SRBD1: variants seen among roughly 807,000 people sequenced by gnomAD.
The protein encoded by SRBD1 is S1 RNA-binding domain-containing protein 1.
A neutral mutation model predicts 115.3 loss-of-function variants in SRBD1; 88 were observed. The ratio of observed to expected loss-of-function variants is 0.76; its 90% CI spans 0.64 to 0.91. The LOEUF is 0.91. SRBD1 is among the 40% of genes least tolerant of loss of function. The probability of loss-of-function intolerance (pLI) is 0.00; values close to 1 mark genes in which losing one functional copy is unlikely to be tolerated. For synonymous variants in SRBD1, 509 were observed against 407.7 expected, an observed-to-expected ratio of 1.25 and a Z score of -2.99; for missense variants, 1,385 against 1,177.4, an observed-to-expected ratio of 1.18 and a Z score of -2.58.
At chr2:45,601,432 C>G (rs1158136828) in intron 3 of SRBD1, among the ~76,000 whole-genome samples, 2 of 152,164 alleles carry the variant, frequency 1.3e-5, no homozygotes, top group African/African-American at 4.8e-5. Context: ...TAAAAACACC[C>G]AAGAGAGATA....
At chr2:45,525,665 G>A (rs1671418267) in intron 14 of SRBD1, among the ~76,000 whole-genome samples, 2 of 151,914 alleles carry the variant, frequency 1.3e-5, no homozygotes, top group East Asian at 1.9e-4. Flanking sequence ...CAATGTATAT[G>A]TACTTCAAAA....
chr2:45,465,408 G>GTATA (rs1369106804), intron 16 of SRBD1, among the ~76,000 whole-genome samples: 3 of 151,884 alleles, frequency 2.0e-5, no homozygotes, highest in African/African-American at 7.3e-5. Context: ...ATACATATAT[G>GTATA]TGTGTATATA....
intron 14 of SRBD1, among the ~76,000 whole-genome samples, chr2:45,544,877 T>TA (rs1261878624): frequency 6.6e-6 from 1 of 152,170 alleles, no homozygotes; most frequent in East Asian, 1.9e-4. Context: ...TTAATACTGT[T>TA]AAAAAACCTG....
intron 1 of SRBD1, among the ~76,000 whole-genome samples, chr2:45,606,843 C>G (rs567645639): frequency 1.3e-5 from 2 of 152,288 alleles, no homozygotes; most frequent in Non-Finnish European, 2.9e-5. Flanking sequence ...TAGGCTCTGA[C>G]ATGTTTGGAA....
chr2:45,600,836 T>G (rs1036344322), intron 3 of SRBD1, among the ~76,000 whole-genome samples: 1 of 152,182 alleles, frequency 6.6e-6, no homozygotes, highest in Non-Finnish European at 1.5e-5. Flanking sequence ...TAGTCAAAAT[T>G]CTATCTTCTC....
At chr2:45,483,569 G>T (rs1459074204) in intron 15 of SRBD1, among the ~76,000 whole-genome samples, 2 of 152,166 alleles carry the variant, frequency 1.3e-5, no homozygotes, top group Middle Eastern at 3.4e-3. Flanking sequence ...AAAGCTTCTG[G>T]AGCAAATCAG....
chr2:45,539,239 T>TAAA (rs879828430), intron 14 of SRBD1, among the ~76,000 whole-genome samples: 1 of 143,812 alleles, frequency 7.0e-6, no homozygotes, highest in Non-Finnish European at 1.5e-5. Flanking sequence ...ATTTTTTTGC[T>TAAA]AAAAAAAAAA....
At chr2:45,558,689 T>A (rs1032692482) in intron 10 of SRBD1, among the ~76,000 whole-genome samples, 8 of 142,914 alleles carry the variant, frequency 5.6e-5, no homozygotes, top group African/African-American at 1.6e-4. Flanking sequence ...ACAATTATTT[T>A]TTTTTTTTTT....
chr2:45,513,405 C>G (rs1671028464), intron 14 of SRBD1, among the ~76,000 whole-genome samples: 1 of 142,576 alleles, frequency 7.0e-6, no homozygotes, highest in African/African-American at 2.5e-5. Flanking sequence ...TCCTCTTCTC[C>G]AGAATGCCCC....
intron 4 of SRBD1, among the ~76,000 whole-genome samples, chr2:45,598,280 T>C (rs974235702): frequency 2.0e-5 from 3 of 152,172 alleles, no homozygotes; most frequent in Non-Finnish European, 2.9e-5. Context: ...CAACATTCTA[T>C]TCCTTAGTGC....
At chr2:45,390,222 T>C (rs970318880) in intron 20 of SRBD1, among the ~76,000 whole-genome samples, 5 of 152,226 alleles carry the variant, frequency 3.3e-5, no homozygotes, top group African/African-American at 1.2e-4. Flanking sequence ...TAGTATCTAA[T>C]ATTCTTTCTC....
At chr2:45,491,814 G>A (rs867496490) in intron 14 of SRBD1, among the ~76,000 whole-genome samples, 2 of 152,038 alleles carry the variant, frequency 1.3e-5, no homozygotes, top group Non-Finnish European at 2.9e-5. Flanking sequence ...TAAAAATGCT[G>A]CTTTATTTAA....
chr2:45,568,081 GGTAGTTAAGAC>G (rs1180778662), intron 9 of SRBD1: 2 of 152,122 alleles, frequency 1.3e-5, no homozygotes, highest in African/African-American at 4.8e-5. Flanking sequence ...ACAGGAAATA[GGTAGTTAAGAC>G]ACAGGAAATT....
At chr2:45,519,468 A>G (rs960175122) in intron 14 of SRBD1, among the ~76,000 whole-genome samples, 2 of 152,218 alleles carry the variant, frequency 1.3e-5, no homozygotes, top group Non-Finnish European at 2.9e-5. Flanking sequence ...TGGCCACTTA[A>G]GTAGTTTACA....
intron 7 of SRBD1, among the ~76,000 whole-genome samples, chr2:45,577,658 G>A (rs917610480): frequency 7.2e-6 from 1 of 138,444 alleles, no homozygotes; most frequent in South Asian, 2.2e-4. Flanking sequence ...TCTTCTACTG[G>A]GGAAAAAAAA....
At chr2:45,416,380 T>C (rs868348588) in intron 18 of SRBD1, among the ~76,000 whole-genome samples, 1 of 152,214 alleles carries the variant, frequency 6.6e-6, no homozygotes, top group African/African-American at 2.4e-5. Context: ...TCATGAGATG[T>C]AACAGTCACA....
intron 18 of SRBD1, among the ~76,000 whole-genome samples, chr2:45,414,616 TACAC>T (rs199657103): frequency 7.9e-6 from 1 of 126,962 alleles, no homozygotes; most frequent in Admixed American, 7.5e-5. Context: ...ATAGTGTGTG[TACAC>T]ACATAGTGTG....
chr2:45,533,065 T>C (rs1671662381), intron 14 of SRBD1, among the ~76,000 whole-genome samples: 1 of 152,064 alleles, frequency 6.6e-6, no homozygotes, highest in South Asian at 2.1e-4. Flanking sequence ...TTAAAACGTG[T>C]TGGCCAAAGG....
intron 16 of SRBD1, among the ~76,000 whole-genome samples, chr2:45,464,995 G>A (rs191276763): frequency 7.0e-6 from 1 of 142,982 alleles, no homozygotes; most frequent in Non-Finnish European, 1.5e-5. Context: ...TCATGGTTGA[G>A]ATTGTACACA....
Sources: gnomAD v4.1 joint callset for allele counts (sites outside exome capture counted in the v4.1 genomes callset) on GRCh38, gnomAD v4.1.1 for gene constraint, MANE v1.5 for transcripts, NCBI Gene and HGNC (gene_info 2026-07-23, HGNC 2026-07-21) for gene names.